CAMK4: variants seen among roughly 807,000 people sequenced by gnomAD.
CAMK4 encodes calcium/calmodulin-dependent protein kinase type IV.
Under a neutral mutation model 44.9 loss-of-function variants are expected in CAMK4, and 22 were observed. The observed-to-expected ratio is 0.49, with a 90% CI of 0.35 to 0.70. The LOEUF is 0.70. Ranked by LOEUF, CAMK4 falls within the 30% of genes least tolerant of loss-of-function variation. CAMK4 has a pLI of 0.01. For missense variants in CAMK4, 498 were observed against 586.8 expected (o/e 0.85, Z 1.56); for synonymous variants, 218 against 215.4 (o/e 1.01, Z -0.11).
intron 1 of CAMK4, among the ~76,000 whole-genome samples, chr5:111,317,962 A>G (rs1340791621): frequency 6.9e-6 from 1 of 145,378 alleles, no homozygotes; most frequent in African/African-American, 2.5e-5. Context: ...TTTTTATCGG[A>G]CTGTATAAAG....
At chr5:111,344,134 A>C in intron 2 of CAMK4, 32 bp downstream of exon 2, 2 of 1,294,564 alleles carry the variant, frequency 1.5e-6, no homozygotes, top group Non-Finnish European at 2.2e-6. Context: ...TGGCATCTCT[A>C]AGGGGCCTGT....
intron 1 of CAMK4, among the ~76,000 whole-genome samples, chr5:111,294,896 T>C (rs1747422383): frequency 6.6e-6 from 1 of 152,202 alleles, no homozygotes; most frequent in Non-Finnish European, 1.5e-5. Flanking sequence ...CTATGTGCAG[T>C]GCATGAAACT....
chr5:111,262,161 A>G (rs1174262818), intron 1 of CAMK4, among the ~76,000 whole-genome samples: 1 of 149,992 alleles, frequency 6.7e-6, no homozygotes, highest in Admixed American at 6.7e-5. Flanking sequence ...GAAAAATTGC[A>G]CTAGACTAGC....
intron 1 of CAMK4, 75 bp from the exon 2 acceptor site, chr5:111,343,949 C>G: frequency 1.2e-6 from 1 of 832,200 alleles, no homozygotes; most frequent in South Asian, 1.5e-5. Context: ...TTGCAAGATA[C>G]ACTTATTTTC....
intron 2 of CAMK4, among the ~76,000 whole-genome samples, chr5:111,348,151 G>A (rs975043622): frequency 2.0e-5 from 3 of 151,806 alleles, no homozygotes; most frequent in Admixed American, 6.6e-5. Flanking sequence ...TCCATTTTGC[G>A]GCAATATGAA....
At chr5:111,257,339 A>T (rs1175647907) in intron 1 of CAMK4, among the ~76,000 whole-genome samples, 1 of 152,254 alleles carries the variant, frequency 6.6e-6, no homozygotes, top group Admixed American at 6.5e-5. Context: ...TGGGCGAAGG[A>T]CATGAACAGA....
intron 1 of CAMK4, chr5:111,302,712 G>T (rs1470226788): frequency 3.2e-5 from 2 of 61,728 alleles, no homozygotes; most frequent in Non-Finnish European, 5.8e-5. Context: ...AAACAAAGCA[G>T]CCGGGAAGCT....
intron 5 of CAMK4, among the ~76,000 whole-genome samples, chr5:111,427,519 A>G (rs1189842192): frequency 6.6e-6 from 1 of 152,190 alleles, no homozygotes; most frequent in East Asian, 1.9e-4. Flanking sequence ...AGGGGAGCCC[A>G]CTGCCATGAA....
At chr5:111,270,260 C>T (rs141503293) in intron 1 of CAMK4, among the ~76,000 whole-genome samples, 5 of 152,330 alleles carry the variant, frequency 3.3e-5, no homozygotes, top group East Asian at 3.9e-4. Context: ...TAAAAGGTTA[C>T]GTAAAACCCC....
chr5:111,420,400 C>T (rs968978644), intron 5 of CAMK4, among the ~76,000 whole-genome samples: 3 of 152,186 alleles, frequency 2.0e-5, no homozygotes, highest in East Asian at 1.9e-4. Context: ...GACAATTTGA[C>T]TTCCTCTTTT....
intron 1 of CAMK4, among the ~76,000 whole-genome samples, chr5:111,227,765 A>T (rs368870290): frequency 6.6e-6 from 1 of 152,236 alleles, no homozygotes; most frequent in Non-Finnish European, 1.5e-5. Context: ...AATTAAAAGT[A>T]TCAGGCAAAG....
intron 1 of CAMK4, among the ~76,000 whole-genome samples, chr5:111,286,813 A>G (rs972156017): frequency 2.0e-5 from 3 of 152,170 alleles, no homozygotes; most frequent in Non-Finnish European, 4.4e-5. Context: ...TGTTAGAAAG[A>G]AAAAAAGAAA....
intron 2 of CAMK4, among the ~76,000 whole-genome samples, chr5:111,367,717 C>T (rs186470621): frequency 7.2e-5 from 11 of 152,172 alleles, no homozygotes; most frequent in Middle Eastern, 3.4e-3. Flanking sequence ...ACCCCATATA[C>T]CTCCCAGAAA....
Position 111,490,122 on chromosome 5 carries a change from A to T in CAMK4, c.*5656A>T, listed in dbSNP as rs541675941. The T allele has an allele frequency of 6.6e-6, 1 of 152,108 alleles. No homozygotes were observed. The highest frequency in any genetic ancestry group is 1.9e-4 in the East Asian group (1 of 5,180). 9.4% of individuals were successfully genotyped at this position (152,108 alleles called of 1,614,324 possible). On this transcript the variant is annotated 3_prime_UTR_variant, in exon 11 of 11. Coordinates refer to ENST00000282356, the MANE Select transcript of CAMK4 (RefSeq NM_001744.6). ...ATAACATTTAATTTTCACTCTGATT[A>T]ATCTTTATTTTCCATTTAAAAGATT...
intron 7 of CAMK4, among the ~76,000 whole-genome samples, chr5:111,471,328 G>A (rs924294402): frequency 2.6e-5 from 4 of 152,168 alleles, no homozygotes; most frequent in African/African-American, 9.6e-5. Context: ...TAGGCCATGA[G>A]CAAGATTTAT....
At chr5:111,344,623 T>C (rs1163118870) in intron 2 of CAMK4, among the ~76,000 whole-genome samples, 1 of 151,796 alleles carries the variant, frequency 6.6e-6, no homozygotes, top group African/African-American at 2.4e-5. Flanking sequence ...TTGAATTTTA[T>C]TGAGTTAATT....
intron 1 of CAMK4, among the ~76,000 whole-genome samples, chr5:111,228,647 T>TA (rs148074515): frequency 0.22 from 33,255 of 151,800 alleles, 3,841 homozygotes; most frequent in Non-Finnish European, 0.26. Flanking sequence ...TCTATTTTGT[T>TA]AAAAAAACTT....
intron 5 of CAMK4, among the ~76,000 whole-genome samples, chr5:111,443,279 T>TACACACAC (rs60644060): frequency 2.7e-5 from 1 of 37,478 alleles, no homozygotes; most frequent in Non-Finnish European, 5.4e-5. Context: ...TATATATATA[T>TACACACAC]ACACACACAC....
At chr5:111,448,662 C>T (rs1210207720) in intron 6 of CAMK4, among the ~76,000 whole-genome samples, 2 of 152,060 alleles carry the variant, frequency 1.3e-5, no homozygotes, top group East Asian at 1.9e-4. Context: ...AAAAATTAGC[C>T]GGGTGTGGTG....
Sources: gnomAD v4.1 joint callset for allele counts (sites outside exome capture counted in the v4.1 genomes callset) on GRCh38, gnomAD v4.1.1 for gene constraint, MANE v1.5 for transcripts, NCBI Gene and HGNC (gene_info 2026-07-23, HGNC 2026-07-21) for gene names.